Variants in MYZAP observed in about 807,000 individuals in gnomAD.
The protein encoded by MYZAP is myocardial zonula adherens protein.
MYZAP carries 66 observed loss-of-function variants against 69.4 expected under a neutral mutation model. That is an observed-to-expected ratio of 0.95 (90% CI 0.78 to 1.17). The LOEUF (loss-of-function observed/expected upper bound fraction) is 1.17. Ranked by LOEUF, MYZAP falls within the 50% of genes most tolerant of loss-of-function variation. The pLI is 0.00. For missense variants in MYZAP, 611 were observed against 556.2 expected (o/e 1.10, Z -0.99); for synonymous variants, 256 against 205.9 (o/e 1.24, Z -2.09).
intron 12 of MYZAP, among the ~76,000 whole-genome samples, chr15:57,684,048 C>G (rs1049005323): frequency 7.9e-5 from 12 of 152,006 alleles, no homozygotes; most frequent in Non-Finnish European, 1.6e-4. Flanking sequence ...CCTGCCTCGG[C>G]CTTCCAAAGT....
In MYZAP at chr15:57,648,270, A is replaced by G. The variant is rs1026398694; in HGVS notation, c.1119+8725A>G. 22 of 985,302 alleles carry G rather than the reference A, an allele frequency of 2.2e-5. No homozygotes were observed. The African/African-American group carries it at 3.5e-4, about 16-fold the overall frequency. The allele number at this position is 985,302 out of a possible 1,614,324, so 61.0% of individuals were successfully genotyped here. The stretch of plus-strand genomic sequence containing the variant: ...ACAGGTATTGGTTTCGGTATTCACA[A>G]TATAAATTGTCTTTTCAAGGGAAAG... On this transcript the variant is annotated intron_variant, in intron 10 of 12. Coordinates refer to ENST00000267853, the MANE Select transcript of MYZAP (RefSeq NM_001018100.5).
chr15:57,596,710 C>T lies in MYZAP; in HGVS notation c.75+4601C>T, dbSNP rs114341274. On this transcript the variant is annotated intron_variant, in intron 1 of 12. Coordinates refer to ENST00000267853, the MANE Select transcript of MYZAP (RefSeq NM_001018100.5). Reference sequence around the variant, plus strand: ...TCCAGGCCCTCTGGTTTGGCCCGTGCCTGTGCTGTTTCCCCTCCCTATATG... The same window carrying T: ...TCCAGGCCCTCTGGTTTGGCCCGTGTCTGTGCTGTTTCCCCTCCCTATATG... Among the ~76,000 whole-genome samples, 1,475 of 152,322 alleles carry T rather than the reference C, an allele frequency of 9.7e-3. 22 individuals are homozygous for T. Among genetic ancestry groups the T allele is most frequent in the African/African-American group, 0.031 (1,298 of 41,562 alleles).
At chr15:57,638,633 A>C (rs1197196250) in intron 9 of MYZAP, among the ~76,000 whole-genome samples, 1 of 152,214 alleles carries the variant, frequency 6.6e-6, no homozygotes, top group Non-Finnish European at 1.5e-5. Flanking sequence ...GCCCCAGAGA[A>C]CTGAAGAGTC....
chr15:57,647,014 C>T (rs1324319880), intron 10 of MYZAP: 3 of 985,278 alleles, frequency 3.0e-6, no homozygotes, highest in Admixed American at 1.2e-4. Context: ...CAATGGGTGG[C>T]ATGAGTCTAC....
intron 4 of MYZAP, 95 bp downstream of exon 4, chr15:57,621,795 G>A: frequency 9.3e-7 from 1 of 1,075,214 alleles, no homozygotes; most frequent in Non-Finnish European, 1.3e-6. Flanking sequence ...AGAGTATCTA[G>A]TGTTCTTTAT....
intron 10 of MYZAP, among the ~76,000 whole-genome samples, chr15:57,656,729 T>C (rs1332111630): frequency 6.6e-6 from 1 of 152,210 alleles, no homozygotes; most frequent in African/African-American, 2.4e-5. Context: ...GCATCCTTAG[T>C]GCTCTTATCT....
chr15:57,660,292 G>A (rs1464601183), intron 10 of MYZAP, among the ~76,000 whole-genome samples: 2 of 152,114 alleles, frequency 1.3e-5, no homozygotes, highest in African/African-American at 4.8e-5. Context: ...TAGGAATAGT[G>A]TCATTTTGCA....
chr15:57,637,600 T>G, intron 8 of MYZAP, 95 bp from the exon 9 acceptor site: 1 of 1,384,456 alleles, frequency 7.2e-7, no homozygotes, highest in Non-Finnish European at 9.9e-7. Flanking sequence ...GGGTGTCATA[T>G]AGACTTGGAC....
chr15:57,669,147 C>T (rs1302230502), intron 11 of MYZAP, among the ~76,000 whole-genome samples: 1 of 152,038 alleles, frequency 6.6e-6, no homozygotes, highest in African/African-American at 2.4e-5. Context: ...TGTCGGGTTC[C>T]CAAAGTACTG....
At chr15:57,659,306 TG>T (rs2038161391) in intron 10 of MYZAP, among the ~76,000 whole-genome samples, 2 of 152,160 alleles carry the variant, frequency 1.3e-5, no homozygotes, top group Non-Finnish European at 2.9e-5. Context: ...GTTTTTTTAG[TG>T]GGGAATGCTA....
intron 10 of MYZAP, among the ~76,000 whole-genome samples, chr15:57,654,957 A>G (rs1199287209): frequency 2.6e-5 from 4 of 152,034 alleles, no homozygotes; most frequent in African/African-American, 7.3e-5. Flanking sequence ...GGGTGATTTC[A>G]GCTCCTGAGA....
At chr15:57,655,442 G>A (rs536836569) in intron 10 of MYZAP, among the ~76,000 whole-genome samples, 1 of 152,112 alleles carries the variant, frequency 6.6e-6, no homozygotes, top group Non-Finnish European at 1.5e-5. Flanking sequence ...AGCGTAGGGG[G>A]TTTTTAATTG....
chr15:57,658,551 G>A (rs1459819679), intron 10 of MYZAP, among the ~76,000 whole-genome samples: 3 of 152,200 alleles, frequency 2.0e-5, no homozygotes, highest in Non-Finnish European at 4.4e-5. Flanking sequence ...TAAGAACTGA[G>A]TCAGTTGTCT....
chr15:57,616,003 G>T (rs1248327608), intron 2 of MYZAP, among the ~76,000 whole-genome samples: 3 of 152,078 alleles, frequency 2.0e-5, no homozygotes, highest in African/African-American at 7.2e-5. Flanking sequence ...TAAAGAACAA[G>T]GCAAAAGTCA....
At position 57,629,815 on chromosome 15, in the gene MYZAP, G is replaced by A. The variant is rs544553369; in HGVS notation, c.639G>A (p.Leu213=). The A allele has an allele frequency of 5.6e-6, 9 of 1,613,974 alleles. No homozygotes were observed. Among genetic ancestry groups the A allele is most frequent in the Non-Finnish European group, 7.6e-6 (9 of 1,179,974 alleles). Residue 213 remains leucine (L), a synonymous_variant, in exon 6 of 13, where the codon TTG becomes TTA. Coordinates refer to ENST00000267853, the MANE Select transcript of MYZAP (RefSeq NM_001018100.5). ...MDKLREKQRQ[L]EVAQVENQLL... is the part of the protein sequence containing the mutation. ...AGCTGAGGGAAAAGCAGAGGCAGTT[G>A]GAGGTAGCGCAAGTTGAAAACCAGC... is the stretch of plus-strand genomic sequence containing the variant.
chr15:57,598,013 G>T (rs1303191635), intron 1 of MYZAP, among the ~76,000 whole-genome samples: 1 of 152,200 alleles, frequency 6.6e-6, no homozygotes, highest in East Asian at 1.9e-4. Context: ...AAATGCACTT[G>T]GCTAATTTCC....
chr15:57,684,315 C>T (rs1381395834), intron 12 of MYZAP, 87 bp from the exon 13 acceptor site: 3 of 831,978 alleles, frequency 3.6e-6, no homozygotes, highest in Non-Finnish European at 6.0e-6. Flanking sequence ...ACTTAAACAC[C>T]ATTTTCTAGA....
chr15:57,628,672 T>G (rs2036304249), intron 5 of MYZAP, among the ~76,000 whole-genome samples: 1 of 152,238 alleles, frequency 6.6e-6, no homozygotes. Flanking sequence ...ACTTCTTTAT[T>G]ACTACCCTTC....
intron 10 of MYZAP, among the ~76,000 whole-genome samples, chr15:57,657,364 T>G (rs2038060335): frequency 6.6e-6 from 1 of 152,116 alleles, no homozygotes; most frequent in Admixed American, 6.6e-5. Flanking sequence ...GTGAGAGTAA[T>G]TTTTGGGAAC....
Sources: allele counts gnomAD v4.1 joint callset (sites outside exome capture counted in the v4.1 genomes callset), GRCh38; gene constraint gnomAD v4.1.1; transcripts MANE v1.5; gene names NCBI Gene and HGNC (gene_info 2026-07-23, HGNC 2026-07-21).